STK38: variants seen among roughly 807,000 people sequenced by gnomAD.
STK38 encodes serine/threonine kinase 38, also known as serine/threonine-protein kinase 38.
A neutral mutation model predicts 59.0 loss-of-function variants in STK38; 26 were observed. That is an observed-to-expected ratio of 0.44 (90% CI 0.32 to 0.61). STK38 has a LOEUF of 0.61. Among genes scored for constraint, STK38 ranks in the 20% least tolerant of loss-of-function variants. The pLI is 0.04. For missense variants in STK38, 433 were observed against 566.0 expected, an observed-to-expected ratio of 0.76 and a Z score of 2.38; for synonymous variants, 175 against 176.6, an observed-to-expected ratio of 0.99 and a Z score of 0.07.
intron 9 of STK38, among the ~76,000 whole-genome samples, chr6:36,503,988 C>CT: frequency 6.6e-6 from 1 of 152,304 alleles, no homozygotes; most frequent in African/African-American, 2.4e-5. Context: ...CCAGTTTCTC[C>CT]TTTTTTCTGT....
intron 6 of STK38, 30 bp from the exon 7 acceptor site, chr6:36,515,522 AC>A: frequency 1.3e-6 from 1 of 754,066 alleles, no homozygotes; most frequent in Non-Finnish European, 1.8e-6. Context: ...AAGCCACCAC[AC>A]ACACACACAC....
At chr6:36,533,574 G>A (rs1006104706) in intron 2 of STK38, among the ~76,000 whole-genome samples, 4 of 151,880 alleles carry the variant, frequency 2.6e-5, no homozygotes, top group Admixed American at 2.6e-4. Flanking sequence ...CTCATTTTGG[G>A]GTATAATCTT....
chr6:36,500,588 C>G (rs1776813416), intron 9 of STK38, among the ~76,000 whole-genome samples: 1 of 151,468 alleles, frequency 6.6e-6, no homozygotes, highest in African/African-American at 2.4e-5. Context: ...GGTGAAAACC[C>G]GTCTCTACTA....
chr6:36,497,939 T>C (rs1776744983), intron 11 of STK38, 64 bp from the exon 12 acceptor site: 1 of 81,584 alleles, frequency 1.2e-5, no homozygotes, highest in Admixed American at 2.5e-4. Flanking sequence ...AAAAACTTTC[T>C]TTTTTTTTTT....
rs1335038686 is a variant in STK38, at chr6:36,498,476, A to G, written c.963T>C (p.Pro321=). ...IMYEMLIGYP[P]FCSETPQETY... Reference sequence around the variant, plus strand: ...TCTCTTGAGGGGTCTCAGAACAGAAAGGTGGGTAGCCTGTAATAAAAAAGG... The same window carrying G: ...TCTCTTGAGGGGTCTCAGAACAGAAGGGTGGGTAGCCTGTAATAAAAAAGG... Residue 321 remains proline, a synonymous_variant, in exon 11 of 14, where the codon CCT becomes CCC. Transcript: ENST00000229812. 4 of 1,611,092 alleles carry G rather than the reference A, an allele frequency of 2.5e-6. No homozygotes were observed. The highest frequency in any genetic ancestry group is 3.4e-6 in the Non-Finnish European group (4 of 1,179,268).
rs759860542 is a variant in STK38, at chr6:36,495,659, GGA to G, written c.*123_*124del. 6.3e-5 allele frequency: 80 copies of G among 1,279,900 alleles called. No individual in the cohort carries two copies. The highest frequency in any genetic ancestry group is 7.7e-5 in the Non-Finnish European group (72 of 936,492). 79.3% of individuals were successfully genotyped at this position (1,279,900 alleles called of 1,614,324 possible). On this transcript the variant is annotated 3_prime_UTR_variant, in exon 14 of 14. Transcript: ENST00000229812. Reference sequence around the variant, plus strand: ...AAAATCCTCTTACTACCACATTTCAGGAGACTTTACTATGACATATTGGTGGG... The same window carrying G: ...AAAATCCTCTTACTACCACATTTCAGGACTTTACTATGACATATTGGTGGG...
At chr6:36,525,995 C>T (rs756975576) in intron 2 of STK38, among the ~76,000 whole-genome samples, 2 of 152,064 alleles carry the variant, frequency 1.3e-5, no homozygotes, top group Admixed American at 1.3e-4. Context: ...GGACTACAGG[C>T]GCGTGCCACC....
chr6:36,499,125 C>A (rs950519296), intron 10 of STK38, among the ~76,000 whole-genome samples: 1 of 152,050 alleles, frequency 6.6e-6, no homozygotes, highest in Non-Finnish European at 1.5e-5. Context: ...AATCACCATG[C>A]CCAAAGAAGA....
At chr6:36,525,383 CT>C (rs1431049232) in intron 3 of STK38, among the ~76,000 whole-genome samples, 1 of 152,162 alleles carries the variant, frequency 6.6e-6, no homozygotes, top group Non-Finnish European at 1.5e-5. Context: ...TTTACTATAA[CT>C]GCATCTAGAG....
At chr6:36,544,872 A>AAAC (rs571933282) in intron 1 of STK38, among the ~76,000 whole-genome samples, 15 of 152,234 alleles carry the variant, frequency 9.9e-5, no homozygotes, top group South Asian at 4.2e-4. Context: ...TCTGTCTTAA[A>AAAC]AACAACAACA....
chr6:36,546,766 G>A (rs1357259614), intron 1 of STK38, among the ~76,000 whole-genome samples: 1 of 152,108 alleles, frequency 6.6e-6, no homozygotes, highest in East Asian at 1.9e-4. Flanking sequence ...ACACCCCAAG[G>A]GGGGCTTTCG....
chr6:36,498,245 A>G (rs907659935), intron 11 of STK38, 118 bp downstream of exon 11: 20 of 1,373,552 alleles, frequency 1.5e-5, no homozygotes, highest in Non-Finnish European at 1.8e-5. Flanking sequence ...TTATTTGTTT[A>G]AAGAGAGGAA....
chr6:36,496,601 G>A, intron 13 of STK38, 110 bp downstream of exon 13: 2 of 805,732 alleles, frequency 2.5e-6, no homozygotes, highest in Non-Finnish European at 4.2e-6. Context: ...AGAACCTGAA[G>A]AAATGAAATT....
chr6:36,541,856 T>C (rs1220554631), intron 1 of STK38, among the ~76,000 whole-genome samples: 1 of 148,708 alleles, frequency 6.7e-6, no homozygotes, highest in Non-Finnish European at 1.5e-5. Flanking sequence ...TGAGATGGAG[T>C]CTCACTCTGT....
chr6:36,515,695 G>A (rs1276611070), intron 6 of STK38, among the ~76,000 whole-genome samples: 1 of 152,120 alleles, frequency 6.6e-6, no homozygotes, highest in Non-Finnish European at 1.5e-5. Flanking sequence ...ACCTAAGCTA[G>A]CTAAGGTTGA....
Position 36,541,953 on chromosome 6 carries a change from C to G in STK38, c.-5-1746G>C, listed in dbSNP as rs541756315. 4.6e-3 allele frequency among the ~76,000 whole-genome samples: 699 copies of G among 151,866 alleles called. 3 individuals carry two copies. Among genetic ancestry groups the G allele is most frequent in the African/African-American group, 0.015 (642 of 41,424 alleles). ...AAGCGATTCTCGTGTCTCAGCCTCCCAAGTAGTTAAGATGACAGGCACCAG... is the reference window on the plus strand; with the variant it reads ...AAGCGATTCTCGTGTCTCAGCCTCCGAAGTAGTTAAGATGACAGGCACCAG... On this transcript the variant is annotated intron_variant, in intron 1 of 13. Transcript: ENST00000229812.
At chr6:36,539,979 T>C in intron 2 of STK38, 93 bp downstream of exon 2, 1 of 1,556,654 alleles carries the variant, frequency 6.4e-7, no homozygotes, top group Middle Eastern at 1.9e-4. Flanking sequence ...AGGCTGCTAC[T>C]ATTCTTGTCT....
At chr6:36,545,018 G>A (rs1380164290) in intron 1 of STK38, among the ~76,000 whole-genome samples, 3 of 152,038 alleles carry the variant, frequency 2.0e-5, no homozygotes, top group African/African-American at 4.8e-5. Context: ...GGCCGGACAC[G>A]GTGGCTCATG....
chr6:36,498,565 T>G, intron 10 of STK38, 79 bp from the exon 11 acceptor site: 2 of 1,495,290 alleles, frequency 1.3e-6, no homozygotes, highest in South Asian at 1.3e-5. Flanking sequence ...TTAATAAAAT[T>G]CTATGTCTTT....
Sources: allele counts gnomAD v4.1 joint callset (sites outside exome capture counted in the v4.1 genomes callset), GRCh38; gene constraint gnomAD v4.1.1; transcripts MANE v1.5; gene names NCBI Gene and HGNC (gene_info 2026-07-23, HGNC 2026-07-21).